The following GTPBP10 variants were observed in gnomAD, a reference collection of about 807,000 sequenced individuals.
GTPBP10 encodes the protein GTP binding protein 10.
GTPBP10 carries 38 observed loss-of-function variants against 44.8 expected under a neutral mutation model. The ratio of observed to expected loss-of-function variants is 0.85; its 90% CI spans 0.65 to 1.11. The LOEUF (loss-of-function observed/expected upper bound fraction) is 1.11. GTPBP10 is among the 50% of genes most tolerant of loss of function. The pLI, the probability that GTPBP10 is intolerant of heterozygous loss-of-function variation, is 0.00. For synonymous variants in GTPBP10, 152 were observed against 150.6 expected, an observed-to-expected ratio of 1.01 and a Z score of -0.07; for missense variants, 462 against 453.7, an observed-to-expected ratio of 1.02 and a Z score of -0.17.
chr7:90,387,447 C>T lies in GTPBP10; in HGVS notation c.*2293C>T, dbSNP rs1230948878. On this transcript the variant is annotated 3_prime_UTR_variant, in exon 10 of 10. Coordinates refer to ENST00000222511, the MANE Select transcript of GTPBP10 (RefSeq NM_033107.4). ...TACAGCCTGAGATATGGCTGTTCAC[C>T]CTTTGGTAAAGTATTAAAGAAAAAT... 6.6e-6 allele frequency: 1 copy of T among 152,020 alleles called. No homozygotes were observed. Among genetic ancestry groups the T allele is most frequent in the Non-Finnish European group, 1.5e-5 (1 of 68,012 alleles). The allele number at this position is 152,020 out of a possible 1,614,324, so 9.4% of individuals were successfully genotyped here.
chr7:90,374,366 T>A lies in GTPBP10; in HGVS notation c.591+12T>A. 1 of 1,546,714 alleles carries A rather than the reference T, an allele frequency of 6.5e-7. No individual in the cohort carries two copies. Among genetic ancestry groups the A allele is most frequent in the Non-Finnish European group, 8.9e-7 (1 of 1,120,042 alleles). Reference sequence around the variant, plus strand: ...GTGATTTCAAACAGGTAGGTATTTTTAAAGTAAAACACTATATTAGAAGTC... The same window carrying A: ...GTGATTTCAAACAGGTAGGTATTTTAAAAGTAAAACACTATATTAGAAGTC... On this transcript the variant is annotated intron_variant, in intron 6 of 9. Transcript: ENST00000222511.
chr7:90,386,183 G>A lies in GTPBP10; in HGVS notation c.*1029G>A, dbSNP rs563703093. The A allele has an allele frequency of 1.3e-5, 2 of 152,170 alleles. No individual in the cohort carries two copies. Among genetic ancestry groups the A allele is most frequent in the East Asian group, 3.9e-4 (2 of 5,186 alleles). 9.4% of individuals were successfully genotyped at this position (152,170 alleles called of 1,614,324 possible). Reference sequence around the variant, plus strand: ...TTGAGATCATTTTTTAAATTTATGTGGAAGGATTCTCTAGATTATTATTAG... The same window carrying A: ...TTGAGATCATTTTTTAAATTTATGTAGAAGGATTCTCTAGATTATTATTAG... On this transcript the variant is annotated 3_prime_UTR_variant, in exon 10 of 10. Coordinates refer to ENST00000222511, the MANE Select transcript of GTPBP10 (RefSeq NM_033107.4).
At chr7:90,382,360 C>T (rs774735088) in intron 8 of GTPBP10, among the ~76,000 whole-genome samples, 3 of 152,122 alleles carry the variant, frequency 2.0e-5, no homozygotes, top group Admixed American at 6.6e-5. Flanking sequence ...CCAAGCAATG[C>T]TCCTACCTCA....
At chr7:90,366,228 T>TTTGTTGTTG (rs547372347) in intron 4 of GTPBP10, among the ~76,000 whole-genome samples, 4 of 152,002 alleles carry the variant, frequency 2.6e-5, no homozygotes, top group African/African-American at 9.6e-5. Context: ...GAATTCTCTT[T>TTTGTTGTTG]TTGTTGTTGT....
In GTPBP10 at chr7:90,352,841, G is replaced by GTCTT. The variant is rs1379651421; in HGVS notation, c.59_60insTCTT (p.Arg20SerfsTer26). The stretch of plus-strand genomic sequence containing the variant: ...TATGGAAATTTCATCGATAAGCTAA[G>GTCTT]ACTCTTCACCAGGGGAGGATCCGGT... On this transcript the variant is annotated frameshift_variant, in exon 2 of 10. Transcript: ENST00000222511. LOFTEE classifies it high-confidence loss of function. The GTCTT allele has an allele frequency of 2.5e-6, 4 of 1,610,792 alleles. No homozygotes were observed. The highest frequency in any genetic ancestry group is 3.4e-6 in the Non-Finnish European group (4 of 1,178,828).
At chr7:90,383,520 ACT>A (rs1406380272) in intron 9 of GTPBP10, among the ~76,000 whole-genome samples, 10 of 152,278 alleles carry the variant, frequency 6.6e-5, no homozygotes, top group Non-Finnish European at 1.5e-4. Flanking sequence ...GGCAAAAGTA[ACT>A]CTATAGGTTT....
chr7:90,382,750 A>G (rs574478618), intron 8 of GTPBP10, among the ~76,000 whole-genome samples: 1 of 152,330 alleles, frequency 6.6e-6, no homozygotes, highest in East Asian at 1.9e-4. Context: ...AACTGTCTCT[A>G]GGATATCATT....
chr7:90,370,376 A>G (rs568576631), intron 4 of GTPBP10, among the ~76,000 whole-genome samples: 27 of 152,182 alleles, frequency 1.8e-4, no homozygotes, highest in Non-Finnish European at 3.8e-4. Flanking sequence ...ATATACACAC[A>G]CACCATAGAA....
Position 90,384,889 on chromosome 7 carries a change from T to C in GTPBP10, c.902-3T>C. The C allele has an allele frequency of 1.3e-6, 2 of 1,586,308 alleles. No homozygotes were observed. The highest frequency in any genetic ancestry group is 1.7e-6 in the Non-Finnish European group (2 of 1,168,236). ...TCAGCTTTGTTTGTGCTCTTTCTTTTAGATTTTCTGCATTTATTTGAAAAA... is the reference window on the plus strand; with the variant it reads ...TCAGCTTTGTTTGTGCTCTTTCTTTCAGATTTTCTGCATTTATTTGAAAAA... On this transcript the variant is annotated splice_polypyrimidine_tract_variant and splice_region_variant and intron_variant, in intron 9 of 9. Transcript: ENST00000222511.
intron 4 of GTPBP10, among the ~76,000 whole-genome samples, chr7:90,356,065 A>G (rs1449159301): frequency 2.7e-5 from 4 of 148,648 alleles, no homozygotes; most frequent in Non-Finnish European, 5.9e-5. Flanking sequence ...TTACTGTCCT[A>G]CTCCAAATTC....
At chr7:90,366,047 T>C (rs1427795381) in intron 4 of GTPBP10, among the ~76,000 whole-genome samples, 5 of 152,204 alleles carry the variant, frequency 3.3e-5, no homozygotes, top group Non-Finnish European at 7.3e-5. Context: ...GTTGCTTCTG[T>C]TTATGTGATG....
In GTPBP10 at chr7:90,378,178, G is replaced by A; in HGVS notation, c.744G>A (p.Arg248=). The change falls in exon 8 of 10, where the codon AGG becomes AGA. Residue 248 remains arginine (R), a synonymous_variant. Transcript: ENST00000222511. ...GFQLSSHTQY[R]TAFETIILLT... ...AGCTTTCTTCTCACACTCAATACAG[G>A]ACAGCTTTTGAAACCATAATACTGC... The A allele has an allele frequency of 6.2e-7, 1 of 1,612,978 alleles. No homozygotes were observed. The highest frequency in any genetic ancestry group is 8.5e-7 in the Non-Finnish European group (1 of 1,179,542).
chr7:90,353,823 A>G (rs1299000596), intron 2 of GTPBP10, among the ~76,000 whole-genome samples: 1 of 105,276 alleles, frequency 9.5e-6, no homozygotes, highest in Non-Finnish European at 1.8e-5. Context: ...TTTTTTATAG[A>G]TTCATTTTTT....
chr7:90,360,018 C>G (rs1406803715), intron 4 of GTPBP10, among the ~76,000 whole-genome samples: 1 of 152,084 alleles, frequency 6.6e-6, no homozygotes. Flanking sequence ...TGCTTGAGTA[C>G]TTTGTAGATT....
At chr7:90,348,017 A>G (rs1279466102) in intron 1 of GTPBP10, among the ~76,000 whole-genome samples, 4 of 152,130 alleles carry the variant, frequency 2.6e-5, no homozygotes, top group African/African-American at 9.7e-5. Context: ...CCTTAAGGCC[A>G]GGAGTTCAAG....
Position 90,384,886 on chromosome 7 carries a change from T to G in GTPBP10, c.902-6T>G. 1 of 1,587,120 alleles carries G rather than the reference T, an allele frequency of 6.3e-7. No individual in the cohort carries two copies. Among genetic ancestry groups the G allele is most frequent in the Non-Finnish European group, 8.6e-7 (1 of 1,168,380 alleles). ...AAATCAGCTTTGTTTGTGCTCTTTC[T>G]TTTAGATTTTCTGCATTTATTTGAA... On this transcript the variant is annotated splice_polypyrimidine_tract_variant and splice_region_variant and intron_variant, in intron 9 of 9. Transcript: ENST00000222511.
intron 4 of GTPBP10, among the ~76,000 whole-genome samples, chr7:90,365,071 A>C (rs1051579067): frequency 2.6e-5 from 4 of 152,136 alleles, no homozygotes; most frequent in African/African-American, 2.4e-5. Flanking sequence ...GACCCCTTGC[A>C]TTTCCCAAGT....
chr7:90,385,264 A>G lies in GTPBP10; in HGVS notation c.*110A>G, dbSNP rs1460799525. ...GTTAAGTAAAATAAGCCAGGCTTAG[A>G]AAGACAAATGCTGCATAATCTCACT... On this transcript the variant is annotated 3_prime_UTR_variant, in exon 10 of 10. Transcript: ENST00000222511. 1.4e-6 allele frequency: 1 copy of G among 716,320 alleles called. No individual in the cohort carries two copies. The allele number at this position is 716,320 out of a possible 1,614,324, so 44.4% of individuals were successfully genotyped here. A position where few individuals can be genotyped will look rare whatever the true frequency, so the allele number is the denominator to read the frequency against.
At chr7:90,376,522 G>A (rs1398525780) in intron 6 of GTPBP10, among the ~76,000 whole-genome samples, 1 of 152,194 alleles carries the variant, frequency 6.6e-6, no homozygotes, top group African/African-American at 2.4e-5. Context: ...CTAGATGATA[G>A]AACTCTGCTC....
Sources: gnomAD v4.1 joint callset for allele counts (sites outside exome capture counted in the v4.1 genomes callset) on GRCh38, gnomAD v4.1.1 for gene constraint, MANE v1.5 for transcripts, NCBI Gene and HGNC (gene_info 2026-07-23, HGNC 2026-07-21) for gene names.